The following PXDNL variants were observed in gnomAD, a reference collection of about 807,000 sequenced individuals.
PXDNL encodes the protein probable oxidoreductase PXDNL.
Under a neutral mutation model 150.8 loss-of-function variants are expected in PXDNL, and 145 were observed. The ratio of observed to expected loss-of-function variants is 0.96; its 90% confidence interval spans 0.84 to 1.10. The LOEUF is 1.10. Ranked by LOEUF, PXDNL falls within the 50% of genes least tolerant of loss-of-function variation. The pLI is 0.00. For missense variants in PXDNL, 2,087 were observed against 1,873.9 expected (o/e 1.11, Z -2.10); for synonymous variants, 757 against 725.7 (o/e 1.04, Z -0.69).
At position 51,582,225 on chromosome 8, in the gene PXDNL, A is replaced by C. The variant is rs111956268; in HGVS notation, c.308+10402T>G. 6.8e-3 allele frequency among the ~76,000 whole-genome samples: 1,031 copies of C among 152,180 alleles called. 11 individuals are homozygous for C. The highest frequency in any genetic ancestry group is 9.2e-3 in the Non-Finnish European group (625 of 68,004). On this transcript the variant is annotated intron_variant, in intron 3 of 22. Transcript: ENST00000356297. ...TACAGGATTATTACAAAGCACATGT[A>C]CTGAGGAAAGAGGGTGGCTGTCTGC...
intron 17 of PXDNL, among the ~76,000 whole-genome samples, chr8:51,396,974 G>T (rs946061058): frequency 2.6e-5 from 4 of 152,086 alleles, no homozygotes; most frequent in African/African-American, 9.7e-5. Context: ...CTTTATTTTT[G>T]AATATTTTGA....
chr8:51,676,532 C>T (rs1815626231), intron 1 of PXDNL, among the ~76,000 whole-genome samples: 1 of 152,154 alleles, frequency 6.6e-6, no homozygotes, highest in Admixed American at 6.5e-5. Context: ...CCGCCCTGGC[C>T]TCCCAAAATA....
At chr8:51,696,790 CCCACACAT>C (rs1816147842) in intron 1 of PXDNL, among the ~76,000 whole-genome samples, 1 of 58,180 alleles carries the variant, frequency 1.7e-5, no homozygotes, top group Non-Finnish European at 3.6e-5. Context: ...CACATACCCA[CCCACACAT>C]AGGTCTTCAC....
intron 1 of PXDNL, among the ~76,000 whole-genome samples, chr8:51,754,664 CG>C (rs1563310729): frequency 2.6e-5 from 4 of 151,996 alleles, no homozygotes; most frequent in African/African-American, 9.7e-5. Flanking sequence ...CCACCATGCC[CG>C]GCTAATTTTT....
intron 21 of PXDNL, among the ~76,000 whole-genome samples, chr8:51,336,448 T>G (rs1805831583): frequency 6.6e-6 from 1 of 152,196 alleles, no homozygotes; most frequent in Non-Finnish European, 1.5e-5. Context: ...AATTTATGTC[T>G]CAGTATAGTA....
intron 17 of PXDNL, among the ~76,000 whole-genome samples, chr8:51,391,148 A>T (rs1807894364): frequency 6.6e-6 from 1 of 152,128 alleles, no homozygotes; most frequent in Non-Finnish European, 1.5e-5. Flanking sequence ...TCTATGTTGG[A>T]CATTTGGGTT....
intron 4 of PXDNL, among the ~76,000 whole-genome samples, chr8:51,514,730 A>T (rs1379064330): frequency 6.6e-6 from 1 of 152,204 alleles, no homozygotes; most frequent in African/African-American, 2.4e-5. Flanking sequence ...AGTCCAAGCA[A>T]CTGAGCAAGA....
At chr8:51,387,048 T>C (rs1300055118) in intron 17 of PXDNL, among the ~76,000 whole-genome samples, 2 of 152,208 alleles carry the variant, frequency 1.3e-5, no homozygotes, top group African/African-American at 2.4e-5. Flanking sequence ...CCCACTGTTC[T>C]ACTCTTTCAC....
At chr8:51,575,588 G>A (rs906202393) in intron 3 of PXDNL, among the ~76,000 whole-genome samples, 3 of 151,962 alleles carry the variant, frequency 2.0e-5, no homozygotes, top group African/African-American at 7.2e-5. Context: ...TGTGGTGCAC[G>A]CCTGTAGTCC....
intron 2 of PXDNL, among the ~76,000 whole-genome samples, chr8:51,613,889 C>G (rs1814074445): frequency 6.6e-6 from 1 of 152,140 alleles, no homozygotes; most frequent in Non-Finnish European, 1.5e-5. Flanking sequence ...TTGTCTCAAC[C>G]TAACCATCAT....
chr8:51,368,707 T>C (rs1408790017), intron 19 of PXDNL, among the ~76,000 whole-genome samples: 1 of 152,074 alleles, frequency 6.6e-6, no homozygotes, highest in East Asian at 1.9e-4. Flanking sequence ...GTTAAAACAA[T>C]TAAATCCACT....
intron 1 of PXDNL, among the ~76,000 whole-genome samples, chr8:51,685,289 G>A (rs971618651): frequency 1.3e-5 from 2 of 152,138 alleles, no homozygotes; most frequent in African/African-American, 4.8e-5. Context: ...TTTGAAAGTT[G>A]AGGACATGGG....
intron 1 of PXDNL, among the ~76,000 whole-genome samples, chr8:51,751,631 A>C (rs1010558164): frequency 6.6e-6 from 1 of 152,226 alleles, no homozygotes; most frequent in Non-Finnish European, 1.5e-5. Flanking sequence ...TTAAAAACTA[A>C]GTCCTCCAAG....
At chr8:51,331,568 G>A (rs886611370) in intron 21 of PXDNL, among the ~76,000 whole-genome samples, 3 of 152,104 alleles carry the variant, frequency 2.0e-5, no homozygotes, top group Admixed American at 6.5e-5. Context: ...TAGCTGGGAG[G>A]CAGAAAGCCT....
At chr8:51,644,405 C>CATATGTATATACAT (rs10685147) in intron 2 of PXDNL, among the ~76,000 whole-genome samples, 1 of 82,754 alleles carries the variant, frequency 1.2e-5, no homozygotes, top group South Asian at 5.4e-4. Context: ...TATATATACA[C>CATATGTATATACAT]ATGTGTGTGT....
chr8:51,788,754 G>A (rs1403822796), intron 1 of PXDNL, among the ~76,000 whole-genome samples: 2 of 152,330 alleles, frequency 1.3e-5, no homozygotes, highest in African/African-American at 2.4e-5. Context: ...GCTGGGATGT[G>A]TTCTTGGCCT....
intron 19 of PXDNL, among the ~76,000 whole-genome samples, chr8:51,350,614 C>T (rs1383316870): frequency 6.6e-6 from 1 of 152,052 alleles, no homozygotes; most frequent in Non-Finnish European, 1.5e-5. Flanking sequence ...CTCGGCCTCC[C>T]AAAGTGCTGG....
chr8:51,404,861 C>A (rs1428556098), intron 17 of PXDNL, among the ~76,000 whole-genome samples: 1 of 152,164 alleles, frequency 6.6e-6, no homozygotes. Context: ...GACTGGGTGC[C>A]CCAGAGCAGG....
At chr8:51,608,644 T>A (rs931104845) in intron 2 of PXDNL, among the ~76,000 whole-genome samples, 2 of 148,780 alleles carry the variant, frequency 1.3e-5, no homozygotes, top group Non-Finnish European at 3.0e-5. Context: ...CAGACCATCC[T>A]GGCTAACACG....
Sources: gnomAD v4.1 joint callset for allele counts (sites outside exome capture counted in the v4.1 genomes callset) on GRCh38, gnomAD v4.1.1 for gene constraint, MANE v1.5 for transcripts, NCBI Gene and HGNC (gene_info 2026-07-23, HGNC 2026-07-21) for gene names.